CACNA1E: variants seen among roughly 807,000 people sequenced by gnomAD.
The protein encoded by CACNA1E is voltage-dependent R-type calcium channel subunit alpha-1E.
Under a neutral mutation model 259.2 loss-of-function variants are expected in CACNA1E, and 40 were observed. The observed-to-expected ratio is 0.15, with a 90% CI of 0.12 to 0.20. The LOEUF (loss-of-function observed/expected upper bound fraction) is 0.20, where lower values mean the gene tolerates loss of function less well. CACNA1E is among the 10% of genes least tolerant of loss of function. The pLI is 1.00. For synonymous variants in CACNA1E, 1,104 were observed against 1,138.5 expected (o/e 0.97, Z 0.61); for missense variants, 1,874 against 3,040.1 (o/e 0.62, Z 9.02).
chr1:181,550,923 A>G (rs1020794394), intron 3 of CACNA1E, among the ~76,000 whole-genome samples: 3 of 151,830 alleles, frequency 2.0e-5, no homozygotes, highest in Non-Finnish European at 4.4e-5. Context: ...GGCAAGCTTT[A>G]TTTCTACATA....
chr1:181,737,687 T>C (rs1334326801), intron 23 of CACNA1E, 33 bp downstream of exon 23: 3 of 1,604,988 alleles, frequency 1.9e-6, no homozygotes, highest in Non-Finnish European at 2.6e-6. Context: ...CCAGCCTCTG[T>C]AGTGCTCTGG....
chr1:181,640,867 T>C (rs182087204), intron 6 of CACNA1E, among the ~76,000 whole-genome samples: 31 of 152,330 alleles, frequency 2.0e-4, no homozygotes, highest in African/African-American at 7.5e-4. Flanking sequence ...AGTAATATTC[T>C]AGGCATTTGT....
intron 6 of CACNA1E, among the ~76,000 whole-genome samples, chr1:181,642,193 T>C (rs1657851963): frequency 6.6e-6 from 1 of 152,184 alleles, no homozygotes; most frequent in Non-Finnish European, 1.5e-5. Flanking sequence ...ACTTGGCTTT[T>C]GAACCTTGGT....
chr1:181,465,955 T>G (rs1662126215), intron 2 of CACNA1E, among the ~76,000 whole-genome samples: 1 of 151,630 alleles, frequency 6.6e-6, no homozygotes, highest in African/African-American at 2.4e-5. Flanking sequence ...GACCCAGGGG[T>G]GTTATTTTCT....
chr1:181,772,320 A>AGT, intron 37 of CACNA1E, 89 bp downstream of exon 37: 1 of 1,380,864 alleles, frequency 7.2e-7, no homozygotes, highest in African/African-American at 1.4e-5. Flanking sequence ...TGTTTGCTTC[A>AGT]GTGTATGTTT....
At chr1:181,422,240 C>T (rs867458145) in intron 2 of CACNA1E, among the ~76,000 whole-genome samples, 4 of 152,316 alleles carry the variant, frequency 2.6e-5, no homozygotes, top group Middle Eastern at 3.4e-3. Context: ...ATGTTGGTGC[C>T]GTGAGATCAG....
intron 1 of CACNA1E, among the ~76,000 whole-genome samples, chr1:181,403,124 T>A (rs891623451): frequency 1.3e-5 from 2 of 152,166 alleles, no homozygotes; most frequent in South Asian, 4.2e-4. Context: ...TTAATGACTG[T>A]GTGATCCTAA....
At chr1:181,719,964 A>G in intron 13 of CACNA1E, 101 bp downstream of exon 13, 5 of 795,468 alleles carry the variant, frequency 6.3e-6, no homozygotes, top group Non-Finnish European at 1.0e-5. Context: ...TTAGGGGGAA[A>G]GTATCCCTTC....
upstream of CACNA1E, among the ~76,000 whole-genome samples, chr1:181,480,521 C>G (rs1231682661): frequency 6.6e-6 from 1 of 152,182 alleles, no homozygotes; most frequent in African/African-American, 2.4e-5. Context: ...CTTGAGTATT[C>G]TAGGTCTCTG....
chr1:181,468,987 G>T (rs1662324981), intron 2 of CACNA1E, among the ~76,000 whole-genome samples: 1 of 151,984 alleles, frequency 6.6e-6, no homozygotes, highest in South Asian at 2.1e-4. Context: ...TCTTATGATT[G>T]GATAGTTATA....
intron 1 of CACNA1E, among the ~76,000 whole-genome samples, chr1:181,501,616 G>C (rs1285000726): frequency 6.6e-6 from 1 of 152,160 alleles, no homozygotes; most frequent in African/African-American, 2.4e-5. Context: ...GGAGTTCTCT[G>C]CCTCTTTGTT....
chr1:181,347,147 G>C (rs1040565169), intron 1 of CACNA1E, among the ~76,000 whole-genome samples: 1 of 152,106 alleles, frequency 6.6e-6, no homozygotes, highest in Non-Finnish European at 1.5e-5. Context: ...CCATCACTTC[G>C]AAGAATGGCC....
intron 1 of CACNA1E, among the ~76,000 whole-genome samples, chr1:181,503,755 C>T (rs1427914970): frequency 6.6e-6 from 1 of 152,160 alleles, no homozygotes; most frequent in Non-Finnish European, 1.5e-5. Flanking sequence ...GGCTTCAGTC[C>T]TTTTGTATTT....
intron 3 of CACNA1E, among the ~76,000 whole-genome samples, chr1:181,572,751 C>G (rs1045676607): frequency 6.6e-6 from 1 of 152,096 alleles, no homozygotes; most frequent in East Asian, 1.9e-4. Context: ...GTGTGTGTCT[C>G]TCCATGTGTG....
At position 181,771,329 on chromosome 1, in the gene CACNA1E, A is replaced by G; in HGVS notation, c.4918A>G (p.Ile1640Val). 3 of 1,600,848 alleles carry G rather than the reference A, an allele frequency of 1.9e-6. No individual in the cohort carries two copies. The highest frequency in any genetic ancestry group is 1.1e-5 in the South Asian group (1 of 88,748). Reference protein sequence around the residue: ...GNIKLDEESHINRHNNFRSFF... With the variant: ...GNIKLDEESHVNRHNNFRSFF... The stretch of plus-strand genomic sequence containing the variant: ...CATAAAATTAGACGAGGAGAGTCAC[A>G]TCAACCGGCACAACAACTTCCGGAG... Residue 1640 changes from isoleucine (I) to valine (V), a missense_variant, in exon 36 of 48, where the codon ATC (isoleucine) becomes GTC (valine). Coordinates refer to ENST00000367573, the MANE Select transcript of CACNA1E (RefSeq NM_001205293.3).
At chr1:181,624,467 T>C (rs2101907195) in intron 6 of CACNA1E, among the ~76,000 whole-genome samples, 2 of 152,286 alleles carry the variant, frequency 1.3e-5, no homozygotes, top group South Asian at 4.1e-4. Context: ...ATCAACTAAG[T>C]TTATGTAATT....
chr1:181,793,910 A>G (rs1661555716), intron 45 of CACNA1E, 117 bp downstream of exon 45: 1 of 1,129,586 alleles, frequency 8.9e-7, no homozygotes, highest in African/African-American at 1.6e-5. Context: ...CTTCCCTATA[A>G]ATAAAACCTG....
In CACNA1E at chr1:181,470,171, T is replaced by A. The variant is rs182360783; in HGVS notation, c.435-13573T>A. On this transcript the variant is annotated intron_variant, in intron 2 of 11. Transcript: ENST00000524607. ...AGCGAGCTGCTTGATTTATTTTAAT[T>A]TTTTTTAGAGATGGAGTCTCTAAAA... Among the ~76,000 whole-genome samples the A allele has an allele frequency of 6.0e-3, 912 of 151,784 alleles. 3 individuals are homozygous for A. Among genetic ancestry groups the A allele is most frequent in the South Asian group, 0.023 (108 of 4,750 alleles).
Position 181,739,207 on chromosome 1 carries a change from C to T in CACNA1E, c.3673C>T (p.Leu1225=), listed in dbSNP as rs766778424. 6.2e-6 allele frequency: 10 copies of T among 1,613,750 alleles called. No homozygotes were observed. In the African/African-American group the frequency reaches 1.3e-4, roughly 22 times the overall value. Residue 1225 remains leucine (L), a synonymous_variant, in exon 25 of 48, where the codon CTG becomes TTG. Coordinates refer to ENST00000367573, the MANE Select transcript of CACNA1E (RefSeq NM_001205293.3). ...GSYFRDLWNI[L]DFVVVVGALV... ...CTACTTCCGAGACTTGTGGAACATCCTGGACTTTGTGGTGGTCGTTGGCGC... is the reference window on the plus strand; with the variant it reads ...CTACTTCCGAGACTTGTGGAACATCTTGGACTTTGTGGTGGTCGTTGGCGC...
Sources: gnomAD v4.1 joint callset for allele counts (sites outside exome capture counted in the v4.1 genomes callset) on GRCh38, gnomAD v4.1.1 for gene constraint, MANE v1.5 for transcripts, NCBI Gene and HGNC (gene_info 2026-07-23, HGNC 2026-07-21) for gene names.